GART: variants seen among roughly 807,000 people sequenced by gnomAD.
GART encodes phosphoribosylglycinamide formyltransferase, phosphoribosylglycinamide synthetase, phosphoribosylaminoimidazole synthetase.
A neutral mutation model predicts 107.2 loss-of-function variants in GART; 43 were observed. The ratio of observed to expected loss-of-function variants is 0.40; its 90% CI spans 0.31 to 0.52. The LOEUF (loss-of-function observed/expected upper bound fraction) is 0.52. Ranked by LOEUF, GART falls within the 20% of genes least tolerant of loss-of-function variation. The pLI, the probability that GART is intolerant of heterozygous loss-of-function variation, is 0.52. For synonymous variants in GART, 434 were observed against 427.0 expected (o/e 1.02, Z -0.20); for missense variants, 1,107 against 1,206.5 (o/e 0.92, Z 1.22).
chr21:33,530,654 T>G (rs566556515), intron 7 of GART, 105 bp downstream of exon 7: 2 of 1,152,320 alleles, frequency 1.7e-6, no homozygotes, highest in East Asian at 3.0e-5. Flanking sequence ...ACATAATTCA[T>G]AGCAACAAAC....
intron 2 of GART, among the ~76,000 whole-genome samples, chr21:33,537,585 GC>G (rs913429144): frequency 1.3e-5 from 2 of 152,180 alleles, no homozygotes; most frequent in Non-Finnish European, 2.9e-5. Flanking sequence ...ATGGACACTT[GC>G]TTTTAGTAAG....
chr21:33,505,736 A>G (rs1422582288), intron 19 of GART, 34 bp from the exon 20 acceptor site: 1 of 1,542,816 alleles, frequency 6.5e-7, no homozygotes, highest in African/African-American at 1.4e-5. Flanking sequence ...AACCCTTTTC[A>G]ATGAATTACC....
chr21:33,529,168 C>A (rs2145738417), intron 7 of GART, among the ~76,000 whole-genome samples: 1 of 152,250 alleles, frequency 6.6e-6, no homozygotes, highest in Non-Finnish European at 1.5e-5. Flanking sequence ...AAAGAACTAG[C>A]CAAAAATAAC....
Position 33,528,516 on chromosome 21 carries a change from C to G in GART, c.897+3G>C. 1 of 1,599,174 alleles carries G rather than the reference C, an allele frequency of 6.3e-7. No homozygotes were observed. The highest frequency in any genetic ancestry group is 8.5e-7 in the Non-Finnish European group (1 of 1,174,094). On this transcript the variant is annotated splice_donor_region_variant and intron_variant, in intron 9 of 21. Transcript: ENST00000381815. ...CAAGTAATACTTTGATATTTTTACC[C>G]ACTTGGCACTCTGGATCACCAAAAC...
At chr21:33,530,301 T>C (rs2085159604) in intron 7 of GART, among the ~76,000 whole-genome samples, 2 of 152,224 alleles carry the variant, frequency 1.3e-5, no homozygotes, top group Admixed American at 1.3e-4. Context: ...TCTCAATTCA[T>C]ATCACACACA....
chr21:33,503,992 TA>T lies in GART; in HGVS notation c.*131del. 4 of 703,520 alleles carry T rather than the reference TA, an allele frequency of 5.7e-6. No individual in the cohort carries two copies. The highest frequency in any genetic ancestry group is 9.0e-6 in the Non-Finnish European group (4 of 443,442). 43.6% of individuals were successfully genotyped at this position (703,520 alleles called of 1,614,324 possible). ...AGTGAGTCTCTATTTATTAAAAAAA[TA>T]GATGAAGTAAGGGTGAGGTCTTTTT... On this transcript the variant is annotated 3_prime_UTR_variant, in exon 22 of 22. Transcript: ENST00000381815.
chr21:33,527,696 A>T (rs1180942415), intron 10 of GART, among the ~76,000 whole-genome samples: 1 of 152,146 alleles, frequency 6.6e-6, no homozygotes, highest in Non-Finnish European at 1.5e-5. Context: ...AGAGAAGGAT[A>T]AACTTTGAAA....
In GART at chr21:33,531,575, T is replaced by A. The variant is rs1324330665; in HGVS notation, c.529-18A>T. On this transcript the variant is annotated intron_variant, in intron 5 of 21. Transcript: ENST00000381815. ...GCTTTCTCCTGATTGTAAGATTTTT[T>A]TTTTTTTTTTTTTTAAAAAAAGAGG... 1 of 1,551,770 alleles carries A rather than the reference T, an allele frequency of 6.4e-7. No homozygotes were observed. The highest frequency in any genetic ancestry group is 8.7e-7 in the Non-Finnish European group (1 of 1,150,078).
chr21:33,541,148 T>G lies in GART; in HGVS notation c.-42+917A>C, dbSNP rs1015728668. 2.0e-5 allele frequency among the ~76,000 whole-genome samples: 3 copies of G among 152,280 alleles called. No homozygotes were observed. In the South Asian group the frequency reaches 6.2e-4, roughly 32 times the overall value. On this transcript the variant is annotated intron_variant, in intron 1 of 21. Coordinates refer to ENST00000381815, the MANE Select transcript of GART (RefSeq NM_000819.5). ...GAAATAAACAGATTTTTTATTTTATTTATTTATTTATTTGTTTAGACAGTC... is the reference window on the plus strand; with the variant it reads ...GAAATAAACAGATTTTTTATTTTATGTATTTATTTATTTGTTTAGACAGTC...
chr21:33,522,524 A>G (rs2084991852), intron 11 of GART, among the ~76,000 whole-genome samples: 1 of 152,234 alleles, frequency 6.6e-6, no homozygotes, highest in African/African-American at 2.4e-5. Flanking sequence ...ATCATCCCTG[A>G]GAACCGCTAT....
At chr21:33,509,306 T>G (rs1260845602) in intron 18 of GART, 1 of 152,688 alleles carries the variant, frequency 6.5e-6, no homozygotes, top group Non-Finnish European at 1.5e-5. Context: ...AAATCACATA[T>G]GCATTTAAGA....
chr21:33,522,823 T>G (rs1464143658), intron 11 of GART, among the ~76,000 whole-genome samples: 1 of 152,208 alleles, frequency 6.6e-6, no homozygotes, highest in Non-Finnish European at 1.5e-5. Flanking sequence ...TGTTTAAAAG[T>G]AGATATACTG....
chr21:33,513,103 C>G (rs868633093), intron 16 of GART, among the ~76,000 whole-genome samples: 4 of 86,812 alleles, frequency 4.6e-5, no homozygotes, highest in African/African-American at 1.0e-4. Flanking sequence ...GTGTGTGTGT[C>G]TCTGTGTGTG....
upstream of GART, chr21:33,542,684 T>C (rs900992414): frequency 5.6e-6 from 1 of 179,152 alleles, no homozygotes; most frequent in African/African-American, 2.4e-5. Context: ...AAGCCGTGTG[T>C]TAAACACCGG....
intron 16 of GART, among the ~76,000 whole-genome samples, chr21:33,512,325 CTT>C (rs926001236): frequency 3.5e-5 from 5 of 142,612 alleles, no homozygotes; most frequent in African/African-American, 1.0e-4. Context: ...TACATTCTCT[CTT>C]ATCACAAATA....
chr21:33,516,877 T>G (rs2084888607), intron 16 of GART, 112 bp downstream of exon 16: 3 of 928,212 alleles, frequency 3.2e-6, no homozygotes. Flanking sequence ...CCCCAATGAT[T>G]AAGAATTTTC....
intron 18 of GART, among the ~76,000 whole-genome samples, chr21:33,507,487 G>C (rs757242440): frequency 6.6e-6 from 1 of 152,186 alleles, no homozygotes; most frequent in Non-Finnish European, 1.5e-5. Context: ...TAGCATAACA[G>C]GGTGACTATA....
intron 20 of GART, among the ~76,000 whole-genome samples, chr21:33,505,257 T>G (rs747185195): frequency 6.6e-6 from 1 of 152,202 alleles, no homozygotes; most frequent in Non-Finnish European, 1.5e-5. Context: ...ATTCAAAAGA[T>G]GAAATATTAT....
intron 1 of GART, among the ~76,000 whole-genome samples, chr21:33,540,251 T>C (rs1330754560): frequency 6.6e-6 from 1 of 152,218 alleles, no homozygotes; most frequent in African/African-American, 2.4e-5. Context: ...GAGATCACTG[T>C]TGCCTATCAG....
Sources: allele counts gnomAD v4.1 joint callset (sites outside exome capture counted in the v4.1 genomes callset), GRCh38; gene constraint gnomAD v4.1.1; transcripts MANE v1.5; gene names NCBI Gene and HGNC (gene_info 2026-07-23, HGNC 2026-07-21).